The following ATAD2 variants were observed in gnomAD, a reference collection of about 807,000 sequenced individuals.
ATAD2 encodes the protein ATPase family AAA domain-containing protein 2.
In ATAD2, 62 loss-of-function variants were observed where a neutral mutation model predicts 168.9. That is an observed-to-expected ratio of 0.37 (90% confidence interval 0.30 to 0.45). The LOEUF (loss-of-function observed/expected upper bound fraction) is 0.45. Ranked by LOEUF, ATAD2 falls within the 20% of genes least tolerant of loss-of-function variation. ATAD2 has a pLI of 1.00. For synonymous variants in ATAD2, 613 were observed against 571.6 expected, an observed-to-expected ratio of 1.07 and a Z score of -1.03; for missense variants, 1,419 against 1,667.8, an observed-to-expected ratio of 0.85 and a Z score of 2.60.
chr8:123,397,642 C>A (rs1812919121), upstream of ATAD2, among the ~76,000 whole-genome samples: 1 of 152,144 alleles, frequency 6.6e-6, no homozygotes. Flanking sequence ...CATATTGAGC[C>A]TCTATTATGT....
chr8:123,404,481 A>G (rs559594104), intron 1 of ATAD2, among the ~76,000 whole-genome samples: 1 of 151,838 alleles, frequency 6.6e-6, no homozygotes, highest in African/African-American at 2.4e-5. Flanking sequence ...GTAGGAGTGT[A>G]AGTCCACACT....
chr8:123,343,047 G>A (rs1382513548), intron 19 of ATAD2, among the ~76,000 whole-genome samples: 1 of 151,460 alleles, frequency 6.6e-6, no homozygotes, highest in African/African-American at 2.4e-5. Context: ...TGCAATGGTG[G>A]GATCTTGGCT....
At chr8:123,414,383 G>C (rs1344636206) in intron 1 of ATAD2, among the ~76,000 whole-genome samples, 1 of 152,184 alleles carries the variant, frequency 6.6e-6, no homozygotes, top group Non-Finnish European at 1.5e-5. Flanking sequence ...TAGCTTCAAA[G>C]TCCTATAGTA....
At chr8:123,391,104 T>TCAA (rs1829814730) in intron 1 of ATAD2, among the ~76,000 whole-genome samples, 1 of 150,870 alleles carries the variant, frequency 6.6e-6, no homozygotes, top group Non-Finnish European at 1.5e-5. Flanking sequence ...AAGTGACTCT[T>TCAA]CAACATGAGA....
intron 2 of ATAD2, among the ~76,000 whole-genome samples, chr8:123,379,759 G>A (rs748800908): frequency 9.9e-5 from 15 of 151,382 alleles, no homozygotes; most frequent in Non-Finnish European, 4.4e-5. Flanking sequence ...TAGTAGAGAT[G>A]GGGTTTCACC....
At chr8:123,369,233 T>C in intron 7 of ATAD2, 58 bp from the exon 8 acceptor site, 1 of 661,270 alleles carries the variant, frequency 1.5e-6, no homozygotes, top group Middle Eastern at 5.8e-4. Context: ...GGCATACAAA[T>C]ATGTATGAAG....
rs778890197 is a variant in ATAD2 at position 123,396,235 on chromosome 8, C to A, written c.123G>T (p.Ser41=). 1.3e-4 allele frequency: 210 copies of A among 1,604,142 alleles called. No homozygotes were observed. The highest frequency in any genetic ancestry group is 1.8e-4 in the Middle Eastern group (1 of 5,656). The change falls in exon 1 of 28, where the codon TCG becomes TCT. Residue 41 remains serine, a synonymous_variant. Transcript: ENST00000287394. The part of the protein sequence containing the change: ...LEHIGRRRLR[S]AGAAQKKPAA... ...CGGGTTTCTTCTGCGCCGCGCCGGC[C>A]GAGCGGAGCCGCCTCCGGCCGATGT...
intron 5 of ATAD2, 45 bp from the exon 6 acceptor site, chr8:123,371,035 AT>A (rs1829135828): frequency 7.2e-7 from 1 of 1,397,022 alleles, no homozygotes. Context: ...GAATCTATTT[AT>A]TAAAAAAATT....
chr8:123,379,891 T>A lies in ATAD2; in HGVS notation c.320+638A>T, dbSNP rs1233375509. ...CCACGTATTATTATTATTATTATTATTTTTTTTTTTTTGAGACTGAGTTTC... is the reference window on the plus strand; with the variant it reads ...CCACGTATTATTATTATTATTATTAATTTTTTTTTTTTGAGACTGAGTTTC... On this transcript the variant is annotated intron_variant, in intron 2 of 27. Coordinates refer to ENST00000287394, the MANE Select transcript of ATAD2 (RefSeq NM_014109.4). Among the ~76,000 whole-genome samples the A allele has an allele frequency of 3.7e-4, 21 of 56,140 alleles. 1 individual carries two copies. Among genetic ancestry groups the A allele is most frequent in the Admixed American group, 1.1e-3 (7 of 6,262 alleles). The allele number at this position is 56,140 out of a possible 152,430, so 36.8% of individuals were successfully genotyped here.
At chr8:123,369,460 A>G (rs973838240) in intron 7 of ATAD2, 1 of 240,250 alleles carries the variant, frequency 4.2e-6, no homozygotes, top group Non-Finnish European at 8.0e-6. Context: ...TAACAGGTTG[A>G]TTATCAGCCT....
At chr8:123,380,422 C>T in intron 2 of ATAD2, 107 bp downstream of exon 2, 4 of 1,151,294 alleles carry the variant, frequency 3.5e-6, no homozygotes, top group Non-Finnish European at 5.0e-6. Context: ...CATTTTATAG[C>T]CCTAGAACCT....
chr8:123,388,717 CG>C, intron 1 of ATAD2, among the ~76,000 whole-genome samples: 1 of 146,900 alleles, frequency 6.8e-6, no homozygotes, highest in East Asian at 2.1e-4. Flanking sequence ...ATGGTGGGGG[CG>C]GGGGGGTGGT....
At chr8:123,331,377 T>C (rs1254457055) in intron 24 of ATAD2, among the ~76,000 whole-genome samples, 1 of 152,184 alleles carries the variant, frequency 6.6e-6, no homozygotes, top group African/African-American at 2.4e-5. Context: ...TGGCTGGGAT[T>C]ACAGGCACTG....
intron 24 of ATAD2, among the ~76,000 whole-genome samples, chr8:123,329,096 C>T (rs531395369): frequency 3.3e-5 from 5 of 152,120 alleles, no homozygotes; most frequent in East Asian, 3.9e-4. Context: ...CCACCGCACC[C>T]GGCCTATCTT....
chr8:123,396,386 C>G lies in ATAD2; in HGVS notation c.-29G>C, dbSNP rs562335596. Reference sequence around the variant, plus strand: ...CTCTCCCTACTGGCCTCGGCGTGCGCGACCGGAGAGAGATCCAGCTCCAGG... The same window carrying G: ...CTCTCCCTACTGGCCTCGGCGTGCGGGACCGGAGAGAGATCCAGCTCCAGG... On this transcript the variant is annotated 5_prime_UTR_variant, in exon 1 of 28. Transcript: ENST00000287394. 9.7e-6 allele frequency: 15 copies of G among 1,540,968 alleles called. No individual in the cohort carries two copies. The highest frequency in any genetic ancestry group is 4.7e-5 in the South Asian group (4 of 85,268).
chr8:123,348,687 C>G (rs1248033666), intron 14 of ATAD2, among the ~76,000 whole-genome samples: 1 of 151,782 alleles, frequency 6.6e-6, no homozygotes, highest in Non-Finnish European at 1.5e-5. Context: ...AAACAACCAA[C>G]CAAAAAAACT....
intron 25 of ATAD2, among the ~76,000 whole-genome samples, 196 bp from the exon 26 acceptor site, chr8:123,326,222 T>C (rs1000513598): frequency 3.3e-5 from 5 of 152,190 alleles, no homozygotes; most frequent in African/African-American, 1.2e-4. Context: ...GTTTGAGAAG[T>C]ATGTTTCATA....
intron 3 of ATAD2, 148 bp downstream of exon 3, chr8:123,372,489 G>T (rs1343138875): frequency 5.2e-6 from 3 of 581,852 alleles, no homozygotes; most frequent in Non-Finnish European, 8.3e-6. Flanking sequence ...TCTTATTGTG[G>T]TGATGGCTTC....
At chr8:123,352,262 T>C (rs1828493481) in intron 13 of ATAD2, 2 of 153,052 alleles carry the variant, frequency 1.3e-5, no homozygotes, top group Middle Eastern at 6.5e-3. Flanking sequence ...GTGGGGCATG[T>C]AGCTCCACCT....
Sources: gnomAD v4.1 joint callset for allele counts (sites outside exome capture counted in the v4.1 genomes callset) on GRCh38, gnomAD v4.1.1 for gene constraint, MANE v1.5 for transcripts, NCBI Gene and HGNC (gene_info 2026-07-23, HGNC 2026-07-21) for gene names.